PHC3: variants seen among roughly 807,000 people sequenced by gnomAD.
PHC3 encodes the protein polyhomeotic homolog 3.
A neutral mutation model predicts 107.4 loss-of-function variants in PHC3; 13 were observed. The observed-to-expected ratio is 0.12, with a 90% CI of 0.08 to 0.19. PHC3 has a LOEUF of 0.19. Ranked by LOEUF, PHC3 falls within the 10% of genes least tolerant of loss-of-function variation. PHC3 has a pLI of 1.00. For synonymous variants in PHC3, 456 were observed against 427.4 expected (o/e 1.07, Z -0.83); for missense variants, 992 against 1,210.9 (o/e 0.82, Z 2.68).
chr3:170,168,678 C>T (rs1253595020), intron 4 of PHC3, among the ~76,000 whole-genome samples: 5 of 137,404 alleles, frequency 3.6e-5, no homozygotes, highest in Admixed American at 8.3e-5. Context: ...GGCGTGAACT[C>T]GGGAGGCGGA....
chr3:170,145,581 T>C (rs1724805782), intron 5 of PHC3, 60 bp from the exon 6 acceptor site: 1 of 1,222,860 alleles, frequency 8.2e-7, no homozygotes, highest in Admixed American at 2.0e-5. Context: ...CCACACACAA[T>C]GTGTAGCAGG....
intron 1 of PHC3, among the ~76,000 whole-genome samples, chr3:170,181,441 G>A (rs376644906): frequency 4.6e-5 from 7 of 152,246 alleles, no homozygotes; most frequent in African/African-American, 1.7e-4. Flanking sequence ...GGAGTCCCAA[G>A]GGTGACCCTG....
In PHC3 at chr3:170,171,459, G is replaced by A; in HGVS notation, c.337-9C>T. On this transcript the variant is annotated splice_polypyrimidine_tract_variant and intron_variant, in intron 3 of 14. Transcript: ENST00000495893. ...CCACTGGACAAACTTGCCTAAAATA[G>A]TAAGACTTTTAGAATATGTCGGTAA... is the stretch of plus-strand genomic sequence containing the variant. The A allele has an allele frequency of 6.4e-7, 1 of 1,570,940 alleles. No homozygotes were observed.
intron 4 of PHC3, among the ~76,000 whole-genome samples, chr3:170,153,641 T>C (rs369534525): frequency 6.6e-6 from 1 of 151,712 alleles, no homozygotes; most frequent in Non-Finnish European, 1.5e-5. Context: ...CGGGTGCCTG[T>C]AGTCCCAGCT....
chr3:170,150,047 T>C (rs1725650208), intron 4 of PHC3: 1 of 152,228 alleles, frequency 6.6e-6, no homozygotes, highest in Non-Finnish European at 1.5e-5. Context: ...CTATACATGA[T>C]ATACATGTAT....
Position 170,097,177 on chromosome 3 carries a change from A to G in PHC3, c.*53T>C. On this transcript the variant is annotated 3_prime_UTR_variant, in exon 15 of 15. Transcript: ENST00000495893. This position sits in a 1 kb window ranked among gnomAD's most constrained non-coding sequence, Gnocchi z 4.1. Reference sequence around the variant, plus strand: ...AGACCAAGTTAGGCCTTTACCTTACAAGTTTTTGTGAGAAAAGTAAAACTG... The same window carrying G: ...AGACCAAGTTAGGCCTTTACCTTACGAGTTTTTGTGAGAAAAGTAAAACTG... 6.5e-7 allele frequency: 1 copy of G among 1,540,860 alleles called. No homozygotes were observed. Among genetic ancestry groups the G allele is most frequent in the Non-Finnish European group, 8.8e-7 (1 of 1,134,582 alleles).
At chr3:170,164,972 T>C (rs1291007147) in intron 4 of PHC3, among the ~76,000 whole-genome samples, 6 of 152,256 alleles carry the variant, frequency 3.9e-5, no homozygotes, top group Admixed American at 1.3e-4. Flanking sequence ...GAGAAGGCCA[T>C]ATAGAGAACA....
chr3:170,117,991 C>T (rs781369731), intron 9 of PHC3, among the ~76,000 whole-genome samples: 4 of 152,068 alleles, frequency 2.6e-5, no homozygotes, highest in Non-Finnish European at 4.4e-5. Context: ...CCAGCCTGGG[C>T]GACAAGAGTG....
At chr3:170,175,211 G>A (rs1730229750) in intron 2 of PHC3, among the ~76,000 whole-genome samples, 1 of 152,172 alleles carries the variant, frequency 6.6e-6, no homozygotes, top group African/African-American at 2.4e-5. Flanking sequence ...ATTTCATTTT[G>A]GGAGAAGCAA....
At position 170,097,110 on chromosome 3, in the gene PHC3, C is replaced by G. The variant is rs1321019479; in HGVS notation, c.*120G>C. 6.0e-6 allele frequency: 5 copies of G among 828,544 alleles called. No individual in the cohort carries two copies. Among genetic ancestry groups the G allele is most frequent in the African/African-American group, 3.4e-5 (2 of 58,856 alleles). The allele number at this position is 828,544 out of a possible 1,614,324, so 51.3% of individuals were successfully genotyped here. On this transcript the variant is annotated 3_prime_UTR_variant, in exon 15 of 15. Transcript: ENST00000495893. This position sits in a 1 kb window ranked among gnomAD's most constrained non-coding sequence, Gnocchi z 4.1. ...AAATGTCAGTATTTGATGTGGAGAT[C>G]CCAATGTGCTTGGCTATCCACCACA...
chr3:170,165,438 C>T (rs1240744316), intron 4 of PHC3, among the ~76,000 whole-genome samples: 2 of 151,998 alleles, frequency 1.3e-5, no homozygotes, highest in Non-Finnish European at 2.9e-5. Context: ...AGCCAATACC[C>T]AGATAACAAA....
chr3:170,133,012 TA>T (rs1299886666), intron 7 of PHC3, among the ~76,000 whole-genome samples: 3 of 152,142 alleles, frequency 2.0e-5, no homozygotes, highest in Non-Finnish European at 4.4e-5. Context: ...TTTGGCACCC[TA>T]AAAATACATA....
In PHC3 at chr3:170,106,951, A is replaced by G. The variant is rs1230204495; in HGVS notation, c.2354-5T>C. On this transcript the variant is annotated splice_polypyrimidine_tract_variant and splice_region_variant and intron_variant, in intron 11 of 14. Transcript: ENST00000495893. ...TGTCCATTTCTTCTAATGTCTCTAA[A>G]AAAGAAGGAAACAAAGGAAAAAAAG... The G allele has an allele frequency of 6.3e-7, 1 of 1,577,200 alleles. No individual in the cohort carries two copies. The highest frequency in any genetic ancestry group is 1.9e-5 in the Admixed American group (1 of 51,360).
chr3:170,112,671 A>G (rs6785202), intron 11 of PHC3, among the ~76,000 whole-genome samples: 20,686 of 151,312 alleles, frequency 0.14, 1,440 homozygotes, highest in African/African-American at 0.17. Flanking sequence ...TTACAGGTGC[A>G]TGCCACCACA....
chr3:170,169,555 CTACT>C (rs1368807239), intron 4 of PHC3, among the ~76,000 whole-genome samples: 1 of 152,112 alleles, frequency 6.6e-6, no homozygotes, highest in Non-Finnish European at 1.5e-5. Context: ...TCTGTTCTTC[CTACT>C]TACTTATCTT....
intron 6 of PHC3, among the ~76,000 whole-genome samples, chr3:170,140,521 TG>T (rs1213077779): frequency 6.6e-6 from 1 of 150,398 alleles, no homozygotes; most frequent in Non-Finnish European, 1.5e-5. Flanking sequence ...CCCAAAGTGC[TG>T]GGATTACATG....
At chr3:170,117,581 CT>C in intron 9 of PHC3, 105 bp from the exon 10 acceptor site, 1 of 1,140,808 alleles carries the variant, frequency 8.8e-7, no homozygotes, top group African/African-American at 1.6e-5. Flanking sequence ...ATATCTGGTA[CT>C]TTCAAAAACT....
At chr3:170,123,765 C>G (rs921152457) in intron 8 of PHC3, among the ~76,000 whole-genome samples, 2 of 151,868 alleles carry the variant, frequency 1.3e-5, no homozygotes, top group African/African-American at 2.4e-5. Flanking sequence ...TGCACTCCAG[C>G]CTGGGTAACA....
chr3:170,176,979 T>C (rs1055710536), intron 2 of PHC3: 15 of 426,900 alleles, frequency 3.5e-5, no homozygotes, highest in African/African-American at 2.3e-4. Context: ...GGAAGGTCCA[T>C]GCCCTTTTTA....
Sources: gnomAD v4.1 joint callset for allele counts (sites outside exome capture counted in the v4.1 genomes callset) on GRCh38, gnomAD v4.1.1 for gene constraint, Gnocchi (gnomAD v3.1) non-coding constraint, MANE v1.5 for transcripts, NCBI Gene and HGNC (gene_info 2026-07-23, HGNC 2026-07-21) for gene names.